FYTTD1: variants seen among roughly 807,000 people sequenced by gnomAD.
FYTTD1 encodes the protein forty-two-three domain containing 1.
Under a neutral mutation model 40.9 loss-of-function variants are expected in FYTTD1, and 22 were observed. The observed-to-expected ratio is 0.54, with a 90% confidence interval of 0.38 to 0.77. The LOEUF (loss-of-function observed/expected upper bound fraction) is 0.77, where lower values mean the gene tolerates loss of function less well. Among genes scored for constraint, FYTTD1 ranks in the 30% least tolerant of loss-of-function variants. The pLI, the probability that FYTTD1 is intolerant of heterozygous loss-of-function variation, is 0.00. For missense variants in FYTTD1, 351 were observed against 392.2 expected (o/e 0.90, Z 0.89); for synonymous variants, 140 against 137.9 (o/e 1.01, Z -0.10).
intron 1 of FYTTD1, 112 bp from the exon 2 acceptor site, chr3:197,756,314 G>A (rs1200157067): frequency 2.7e-6 from 2 of 729,118 alleles, no homozygotes; most frequent in East Asian, 2.7e-5. Context: ...TTATGGAAGT[G>A]CTTTCAAAGT....
intron 2 of FYTTD1, among the ~76,000 whole-genome samples, chr3:197,760,019 G>A (rs1316521412): frequency 6.6e-6 from 1 of 151,956 alleles, no homozygotes; most frequent in African/African-American, 2.4e-5. Flanking sequence ...TTCTTCAGTG[G>A]TAGAATGTAT....
At position 197,749,964 on chromosome 3, in the gene FYTTD1, C is replaced by A. The variant is rs1413522574; in HGVS notation, c.-8C>A. On this transcript the variant is annotated 5_prime_UTR_variant, in exon 1 of 9. Coordinates refer to ENST00000241502, the MANE Select transcript of FYTTD1 (RefSeq NM_032288.7). ...TCCGCGCCCGCTCTCGGCGCGACGT[C>A]TCCAGCCATGAACCGGTTTGGTACC... The A allele has an allele frequency of 6.4e-7, 1 of 1,566,002 alleles. No individual in the cohort carries two copies. The highest frequency in any genetic ancestry group is 1.2e-5 in the South Asian group (1 of 86,702).
intron 4 of FYTTD1, among the ~76,000 whole-genome samples, chr3:197,770,852 G>A (rs1729696126): frequency 6.6e-6 from 1 of 152,148 alleles, no homozygotes; most frequent in African/African-American, 2.4e-5. Flanking sequence ...CCCAGCCCTG[G>A]TAGAACTCTT....
chr3:197,751,920 G>A (rs1729070376), intron 1 of FYTTD1, among the ~76,000 whole-genome samples: 1 of 152,086 alleles, frequency 6.6e-6, no homozygotes, highest in African/African-American at 2.4e-5. Flanking sequence ...CGCCCAGGTT[G>A]GAGTGCAGTG....
In FYTTD1 at chr3:197,774,028, A is replaced by G. The variant is rs140046757; in HGVS notation, c.595-121A>G. 3.9e-4 allele frequency: 295 copies of G among 752,440 alleles called. 6 individuals are homozygous for G. Among genetic ancestry groups the G allele is most frequent in the South Asian group, 8.9e-4 (54 of 60,814 alleles). 46.6% of individuals were successfully genotyped at this position (752,440 alleles called of 1,614,324 possible). A position where few individuals can be genotyped will look rare whatever the true frequency, so the allele number is the denominator to read the frequency against. The stretch of plus-strand genomic sequence containing the variant: ...GGGTTAGGAAGTTGTAGAATAGCGC[A>G]GGCACCTCCGCTGCACTCATGTACA... On this transcript the variant is annotated intron_variant, in intron 5 of 8. Transcript: ENST00000241502.
intron 3 of FYTTD1, 22 bp downstream of exon 3, chr3:197,768,609 G>A (rs1431512588): frequency 6.3e-7 from 1 of 1,586,020 alleles, no homozygotes; most frequent in East Asian, 2.3e-5. Context: ...GCTTAATCCT[G>A]GATTAGATAT....
At chr3:197,777,888 T>A (rs371055522) in intron 7 of FYTTD1, among the ~76,000 whole-genome samples, 63 of 152,164 alleles carry the variant, frequency 4.1e-4, no homozygotes, top group African/African-American at 1.4e-3. Flanking sequence ...CTAATTTTTT[T>A]TTTGTACAGA....
chr3:197,763,207 AGTTT>A (rs1178372431), intron 2 of FYTTD1, among the ~76,000 whole-genome samples: 1 of 152,016 alleles, frequency 6.6e-6, no homozygotes, highest in Non-Finnish European at 1.5e-5. Flanking sequence ...TGAGGTCAGG[AGTTT>A]GAGACCAGCC....
At chr3:197,781,319 A>T (rs1453629018) in intron 8 of FYTTD1, among the ~76,000 whole-genome samples, 1 of 152,140 alleles carries the variant, frequency 6.6e-6, no homozygotes, top group Non-Finnish European at 1.5e-5. Context: ...CAATAAAAAA[A>T]AAAAAAAAAT....
intron 3 of FYTTD1, among the ~76,000 whole-genome samples, chr3:197,769,331 C>G (rs1394175524): frequency 3.9e-5 from 6 of 152,184 alleles, no homozygotes; most frequent in Non-Finnish European, 7.3e-5. Flanking sequence ...CATGATCCAT[C>G]CGCCTCACCC....
In FYTTD1 at chr3:197,756,575, G is replaced by A. The variant is rs1392384334; in HGVS notation, c.235+18G>A. The A allele has an allele frequency of 3.7e-6, 6 of 1,608,570 alleles. No individual in the cohort carries two copies. In the African/African-American group the frequency reaches 6.7e-5, roughly 18 times the overall value. ...GAATTCTGGTAAGTTTTGAAAGTAA[G>A]CTTTAATGGAAAGCTGTTATTTGTG... On this transcript the variant is annotated intron_variant, in intron 2 of 8. Coordinates refer to ENST00000241502, the MANE Select transcript of FYTTD1 (RefSeq NM_032288.7).
rs948146655 is a variant in FYTTD1, at chr3:197,771,732, C to G, written c.497+1488C>G. 9.7e-5 allele frequency among the ~76,000 whole-genome samples: 14 copies of G among 144,376 alleles called. No homozygotes were observed. In the South Asian group the frequency reaches 1.6e-3, roughly 16 times the overall value. The allele number at this position is 144,376 out of a possible 152,430, so 94.7% of individuals were successfully genotyped here. ...GCGGAGCTTGCAGTGAGCCGAGATC[C>G]CGCCACTGCACTCCAGCCTGGGCGA... On this transcript the variant is annotated intron_variant, in intron 4 of 8. Coordinates refer to ENST00000241502, the MANE Select transcript of FYTTD1 (RefSeq NM_032288.7).
intron 6 of FYTTD1, among the ~76,000 whole-genome samples, chr3:197,776,673 A>G (rs755259270): frequency 6.6e-6 from 1 of 151,992 alleles, no homozygotes; most frequent in Non-Finnish European, 1.5e-5. Flanking sequence ...TTTTTATTAG[A>G]AGTTCTTTTG....
chr3:197,750,597 C>G, intron 1 of FYTTD1: 2 of 985,200 alleles, frequency 2.0e-6, no homozygotes, highest in Non-Finnish European at 2.4e-6. Context: ...TCCAGGCCGG[C>G]GCCGGCCATG....
intron 6 of FYTTD1, 76 bp downstream of exon 6, chr3:197,774,286 C>T: frequency 8.3e-7 from 1 of 1,207,758 alleles, no homozygotes; most frequent in Non-Finnish European, 1.2e-6. Flanking sequence ...TCATGTACCT[C>T]AGTCCAGAAG....
In FYTTD1 at chr3:197,783,116, T is replaced by C. The variant is rs1191240524; in HGVS notation, c.*1207T>C. On this transcript the variant is annotated 3_prime_UTR_variant, in exon 9 of 9. Coordinates refer to ENST00000241502, the MANE Select transcript of FYTTD1 (RefSeq NM_032288.7). ...AGGCCCTCCCCACCGACCCGCCACC[T>C]GCCACCTCTGACGGAGTGGGAGAAG... 1 of 152,608 alleles carries C rather than the reference T, an allele frequency of 6.6e-6. No homozygotes were observed. The highest frequency in any genetic ancestry group is 1.9e-4 in the East Asian group (1 of 5,204). 9.5% of individuals were successfully genotyped at this position (152,608 alleles called of 1,614,324 possible). A position where few individuals can be genotyped will look rare whatever the true frequency, so the allele number is the denominator to read the frequency against.
intron 2 of FYTTD1, among the ~76,000 whole-genome samples, chr3:197,763,208 G>GT (rs1320714147): frequency 3.3e-5 from 5 of 151,820 alleles, no homozygotes; most frequent in African/African-American, 1.2e-4. Flanking sequence ...GAGGTCAGGA[G>GT]TTTGAGACCA....
At chr3:197,758,282 T>G (rs1032111526) in intron 2 of FYTTD1, among the ~76,000 whole-genome samples, 23 of 151,876 alleles carry the variant, frequency 1.5e-4, no homozygotes, top group Non-Finnish European at 2.9e-4. Flanking sequence ...TTAAAATAAC[T>G]GTTGAGAGTT....
rs1444979215 is a variant in FYTTD1, at chr3:197,784,768, G to A, written c.*2859G>A. 1 of 152,020 alleles carries A rather than the reference G, an allele frequency of 6.6e-6. No homozygotes were observed. Among genetic ancestry groups the A allele is most frequent in the Non-Finnish European group, 1.5e-5 (1 of 68,040 alleles). The allele number at this position is 152,020 out of a possible 1,614,324, so 9.4% of individuals were successfully genotyped here. On this transcript the variant is annotated 3_prime_UTR_variant, in exon 9 of 9. Transcript: ENST00000241502. Reference sequence around the variant, plus strand: ...ACCACGCCATTGCACTCCAGCCTGGGTGACAGAGTGACACTCTGTCTTAAA... The same window carrying A: ...ACCACGCCATTGCACTCCAGCCTGGATGACAGAGTGACACTCTGTCTTAAA...
Sources: gnomAD v4.1 joint callset for allele counts (sites outside exome capture counted in the v4.1 genomes callset) on GRCh38, gnomAD v4.1.1 for gene constraint, MANE v1.5 for transcripts, NCBI Gene and HGNC (gene_info 2026-07-23, HGNC 2026-07-21) for gene names.